EIF2S3: variants seen among roughly 807,000 people sequenced by gnomAD.
The protein encoded by EIF2S3 is eukaryotic translation initiation factor 2 subunit 3.
EIF2S3 carries 2 observed loss-of-function variants against 31.7 expected under a neutral mutation model. The ratio of observed to expected loss-of-function variants is 0.06; its 90% CI spans 0.03 to 0.20. EIF2S3 has a LOEUF of 0.20. Among genes scored for constraint, EIF2S3 ranks in the 10% least tolerant of loss-of-function variants. The pLI, the probability that EIF2S3 is intolerant of heterozygous loss-of-function variation, is 1.00. For synonymous variants in EIF2S3, 120 were observed against 126.7 expected (o/e 0.95, Z 0.36); for missense variants, 96 against 359.3 (o/e 0.27, Z 5.92).
intron 11 of EIF2S3, among the ~76,000 whole-genome samples, chrX:24,076,408 C>T (rs1348784108): frequency 2.7e-5 from 3 of 111,048 alleles, no homozygotes; most frequent in South Asian, 7.6e-4. Context: ...GTGGCGCATG[C>T]CTGTAGTCCC....
intron 10 of EIF2S3, among the ~76,000 whole-genome samples, chrX:24,072,471 C>A (rs1019411586): frequency 8.2e-5 from 9 of 110,097 alleles, no homozygotes; most frequent in Admixed American, 7.9e-4. Context: ...TTTGTAGAGA[C>A]GGAGTTTTGC....
chrX:24,071,027 C>T lies in EIF2S3; in HGVS notation c.1013-531C>T, dbSNP rs181750255. On this transcript the variant is annotated intron_variant, in intron 9 of 11. Coordinates refer to ENST00000253039, the MANE Select transcript of EIF2S3 (RefSeq NM_001415.4). ...TGTTTAGAATTTAAATCAAGAGAAT[C>T]GTTCTGTTCTCATTTGCCCAGTCAT... Among the ~76,000 whole-genome samples the T allele has an allele frequency of 5.4e-5, 6 of 111,284 alleles. No individual in the cohort carries two copies. In the East Asian group the frequency reaches 1.4e-3, roughly 26 times the overall value.
chrX:24,064,510 G>T (rs1428014056), intron 7 of EIF2S3, among the ~76,000 whole-genome samples, 175 bp downstream of exon 7: 1 of 112,539 alleles, frequency 8.9e-6, no homozygotes, highest in Non-Finnish European at 1.9e-5. Context: ...CTGAATGAGG[G>T]ACAGAGTCCT....
chrX:24,069,686 C>CTTTTT (rs754589833), intron 9 of EIF2S3, among the ~76,000 whole-genome samples: 30 of 60,973 alleles, frequency 4.9e-4, no homozygotes, highest in Admixed American at 1.0e-3. Context: ...TTTTTAATTT[C>CTTTTT]TTTTTTTTTT....
chrX:24,055,612 C>T lies in EIF2S3; in HGVS notation c.70-3C>T. On this transcript the variant is annotated splice_region_variant and splice_polypyrimidine_tract_variant and intron_variant, in intron 1 of 11. Coordinates refer to ENST00000253039, the MANE Select transcript of EIF2S3 (RefSeq NM_001415.4). ...CAGTGTTTTAAAATATATTTCATTGCAGGATGTTACCAAGTTGACGCCACT... is the reference window on the plus strand; with the variant it reads ...CAGTGTTTTAAAATATATTTCATTGTAGGATGTTACCAAGTTGACGCCACT... 8.3e-7 allele frequency: 1 copy of T among 1,209,656 alleles called. No homozygotes were observed.
chrX:24,060,041 T>G, intron 4 of EIF2S3, 47 bp from the exon 5 acceptor site: 1 of 967,035 alleles, frequency 1.0e-6, no homozygotes. Flanking sequence ...CTAGCATGTG[T>G]AAGTAGTGAT....
rs1376685654 is a variant in EIF2S3, at chrX:24,054,957, T to C, written c.-12T>C. ...GCGGCAGCCGGGGTGATTTCCTTCC[T>C]CTTTTGGCAACATGGCGGGCGGAGA... On this transcript the variant is annotated 5_prime_UTR_variant, in exon 1 of 12. Coordinates refer to ENST00000253039, the MANE Select transcript of EIF2S3 (RefSeq NM_001415.4). 6 of 1,211,360 alleles carry C rather than the reference T, an allele frequency of 5.0e-6. No individual in the cohort carries two copies. The highest frequency in any genetic ancestry group is 1.7e-5 in the African/African-American group (1 of 57,780).
rs113989989 is a variant in EIF2S3 at position 24,066,523 on chromosome X, C to CTT, written c.867+444_867+445dup. ...TATATGCTGCCATTGCTTTTCTTTT[C>CTT]TTTTTTTTTTTTTTCTTGAGGCGGA... On this transcript the variant is annotated intron_variant, in intron 8 of 11. Transcript: ENST00000253039. Among the ~76,000 whole-genome samples, 174 of 94,214 alleles carry CTT rather than the reference C, an allele frequency of 1.8e-3. 1 individual carries two copies. The highest frequency in any genetic ancestry group is 3.4e-3 in the African/African-American group (86 of 25,471). The allele number at this position is 94,214 out of a possible 115,157, so 81.8% of individuals were successfully genotyped here.
intron 5 of EIF2S3, among the ~76,000 whole-genome samples, chrX:24,060,737 G>A (rs781478978): frequency 1.1e-4 from 12 of 108,935 alleles, no homozygotes; most frequent in Non-Finnish European, 1.9e-4. Context: ...TGAGGTCGGC[G>A]GATCACCTGA....
At position 24,068,121 on chromosome X, in the gene EIF2S3, T is replaced by C. The variant is rs750027293; in HGVS notation, c.1012+13T>C. ...GGCGGTCTTATTGGTAAGGATTTTT[T>C]TCTCATCTCTTTTAATTTGTGGCTA... On this transcript the variant is annotated intron_variant, in intron 9 of 11. Transcript: ENST00000253039. 1.9e-5 allele frequency: 22 copies of C among 1,167,232 alleles called. No homozygotes were observed. The Middle Eastern group carries it at 1.2e-3, about 63-fold the overall frequency.
intron 10 of EIF2S3, 145 bp downstream of exon 10, chrX:24,071,872 G>GTT (rs369303521): frequency 6.4e-4 from 331 of 518,544 alleles, no homozygotes; most frequent in East Asian, 8.5e-4. Flanking sequence ...AAAATTGAGG[G>GTT]TTTTTTTTTT....
intron 8 of EIF2S3, among the ~76,000 whole-genome samples, 195 bp downstream of exon 8, chrX:24,066,287 C>G (rs1213659139): frequency 9.1e-6 from 1 of 109,718 alleles, no homozygotes; most frequent in East Asian, 2.8e-4. Context: ...AAACTTCACT[C>G]CTCCCACCCT....
chrX:24,061,736 A>G (rs1930496670), intron 5 of EIF2S3, among the ~76,000 whole-genome samples: 1 of 111,129 alleles, frequency 9.0e-6, no homozygotes, highest in Non-Finnish European at 1.9e-5. Flanking sequence ...GTTGAAGAGT[A>G]GCCTCTGATA....
At chrX:24,056,093 G>A (rs1489411739) in intron 2 of EIF2S3, among the ~76,000 whole-genome samples, 5 of 111,795 alleles carry the variant, frequency 4.5e-5, no homozygotes, top group Non-Finnish European at 9.4e-5. Flanking sequence ...TAGAGGAGAA[G>A]TTACGTTGAC....
intron 7 of EIF2S3, among the ~76,000 whole-genome samples, 166 bp from the exon 8 acceptor site, chrX:24,065,832 C>T (rs746744048): frequency 9.0e-6 from 1 of 111,715 alleles, no homozygotes; most frequent in South Asian, 3.7e-4. Context: ...TTTTTTCCAT[C>T]ATAAGTAAGA....
intron 1 of EIF2S3, 73 bp downstream of exon 1, chrX:24,055,110 G>C: frequency 9.0e-7 from 1 of 1,111,776 alleles, no homozygotes; most frequent in Non-Finnish European, 1.2e-6. Context: ...GTGGTATTGG[G>C]ACTAGTCAGT....
rs770585940 is a variant in EIF2S3 at position 24,064,226 on chromosome X, T to A, written c.663T>A (p.Ile221=). Residue 221 remains isoleucine, a synonymous_variant, in exon 7 of 12, where the codon ATT becomes ATA. Transcript: ENST00000253039. ...VQGTVAEGAP[I]IPISAQLKYN... ...GTACAGTAGCAGAGGGAGCTCCCAT[T>A]ATTCCAATTTCAGCTCAGCTGAAAT... The A allele has an allele frequency of 8.4e-7, 1 of 1,192,042 alleles. No individual in the cohort carries two copies. The highest frequency in any genetic ancestry group is 1.1e-6 in the Non-Finnish European group (1 of 888,256).
intron 11 of EIF2S3, 52 bp downstream of exon 11, chrX:24,073,315 T>A: frequency 1.7e-6 from 2 of 1,168,538 alleles, no homozygotes; most frequent in Non-Finnish European, 2.3e-6. Context: ...CACAGTCTTG[T>A]ACAGAAAAAA....
chrX:24,059,656 C>G (rs1296463701), intron 4 of EIF2S3, among the ~76,000 whole-genome samples: 1 of 111,904 alleles, frequency 8.9e-6, no homozygotes, highest in African/African-American at 3.3e-5. Flanking sequence ...CTCCTGACCT[C>G]AGGTGATCCA....
Sources: gnomAD v4.1 joint callset for allele counts (sites outside exome capture counted in the v4.1 genomes callset) on GRCh38, gnomAD v4.1.1 for gene constraint, MANE v1.5 for transcripts, NCBI Gene and HGNC (gene_info 2026-07-23, HGNC 2026-07-21) for gene names.